ARHGAP26: variants seen among roughly 807,000 people sequenced by gnomAD.
ARHGAP26 encodes rho GTPase-activating protein 26.
Under a neutral mutation model 104.8 loss-of-function variants are expected in ARHGAP26, and 38 were observed. That is an observed-to-expected ratio of 0.36 (90% CI 0.28 to 0.48). The LOEUF is 0.48. Among genes scored for constraint, ARHGAP26 ranks in the 20% least tolerant of loss-of-function variants. ARHGAP26 has a pLI of 0.99. For missense variants in ARHGAP26, 704 were observed against 947.9 expected (o/e 0.74, Z 3.38); for synonymous variants, 341 against 340.0 (o/e 1.00, Z -0.03).
At chr5:143,090,583 C>G (rs1229175455) in intron 17 of ARHGAP26, among the ~76,000 whole-genome samples, 1 of 152,100 alleles carries the variant, frequency 6.6e-6, no homozygotes, top group Non-Finnish European at 1.5e-5. Flanking sequence ...GGGTCTGTCC[C>G]TGAAACCTCA....
In ARHGAP26 at chr5:143,027,350, T is replaced by TC. The variant is rs1399452574; in HGVS notation, c.1145-9846_1145-9845insC. ...CCATGCCTAGCTAATTTTTTTTTCT[T>TC]TTTTTTTTTTTTTAGTAGAGACAGG... On this transcript the variant is annotated intron_variant, in intron 12 of 22. Transcript: ENST00000645722. Among the ~76,000 whole-genome samples, 2 of 144,152 alleles carry TC rather than the reference T, an allele frequency of 1.4e-5. 1 individual carries two copies. The highest frequency in any genetic ancestry group is 4.0e-4 in the East Asian group (2 of 5,052). The allele number at this position is 144,152 out of a possible 152,430, so 94.6% of individuals were successfully genotyped here.
chr5:143,167,297 A>T (rs1376762841), intron 20 of ARHGAP26, among the ~76,000 whole-genome samples: 1 of 136,292 alleles, frequency 7.3e-6, no homozygotes, highest in Non-Finnish European at 1.6e-5. Flanking sequence ...TTGAAACCTC[A>T]TCTCTACTTT....
chr5:142,949,188 A>AGAGAGAGAGAGAGAG (rs1767730827), intron 11 of ARHGAP26, among the ~76,000 whole-genome samples: 2 of 34,752 alleles, frequency 5.8e-5, no homozygotes, highest in Non-Finnish European at 1.0e-4. Flanking sequence ...AGAGAGAGAG[A>AGAGAGAGAGAGAGAG]GAGAGAGAGA....
At chr5:143,142,191 T>A (rs1023237708) in intron 19 of ARHGAP26, among the ~76,000 whole-genome samples, 1 of 143,940 alleles carries the variant, frequency 6.9e-6, no homozygotes, top group Non-Finnish European at 1.5e-5. Context: ...GGCTGTGGAG[T>A]GCAGTGGCAC....
At chr5:142,853,417 C>G (rs926622428) in intron 1 of ARHGAP26, among the ~76,000 whole-genome samples, 3 of 152,110 alleles carry the variant, frequency 2.0e-5, no homozygotes, top group Non-Finnish European at 4.4e-5. Flanking sequence ...TCTCAAACTC[C>G]TGACCTCAAG....
chr5:143,197,282 A>T (rs183480038), intron 20 of ARHGAP26, among the ~76,000 whole-genome samples: 1 of 152,324 alleles, frequency 6.6e-6, no homozygotes, highest in African/African-American at 2.4e-5. Flanking sequence ...CCTTTGCTAG[A>T]TAATGCTACA....
intron 11 of ARHGAP26, among the ~76,000 whole-genome samples, chr5:142,963,172 GTATATATATATA>G (rs58576577): frequency 3.4e-5 from 3 of 89,080 alleles, no homozygotes; most frequent in Non-Finnish European, 6.4e-5. Context: ...TGGTATATAT[GTATATATATATA>G]TATATATATA....
At chr5:143,127,649 A>G (rs1033258280) in intron 18 of ARHGAP26, among the ~76,000 whole-genome samples, 1 of 152,202 alleles carries the variant, frequency 6.6e-6, no homozygotes, top group Non-Finnish European at 1.5e-5. Context: ...AGTGACTTAC[A>G]ATGTAGTTAG....
chr5:142,876,617 AT>A (rs796121233), intron 3 of ARHGAP26, among the ~76,000 whole-genome samples: 27 of 146,876 alleles, frequency 1.8e-4, no homozygotes, highest in South Asian at 2.2e-4. Context: ...ATCTCAACAA[AT>A]TTTTTTTTTT....
intron 19 of ARHGAP26, among the ~76,000 whole-genome samples, chr5:143,141,303 G>A (rs989852972): frequency 1.3e-5 from 2 of 152,222 alleles, no homozygotes; most frequent in African/African-American, 4.8e-5. Context: ...ATCACCAAGT[G>A]AACAAAGCAG....
chr5:143,155,475 A>G (rs913743007), intron 20 of ARHGAP26, among the ~76,000 whole-genome samples: 2 of 152,172 alleles, frequency 1.3e-5, no homozygotes, highest in Admixed American at 6.5e-5. Context: ...CCTTCATCCA[A>G]TTTTTATGAG....
chr5:142,913,365 CA>C (rs766157172), intron 10 of ARHGAP26, 72 bp downstream of exon 10: 49 of 1,407,978 alleles, frequency 3.5e-5, no homozygotes, highest in East Asian at 1.8e-4. Flanking sequence ...TCTTTCCAGT[CA>C]AACCTTTTCT....
chr5:142,942,926 C>T (rs1027340198), intron 11 of ARHGAP26, among the ~76,000 whole-genome samples: 1 of 152,154 alleles, frequency 6.6e-6, no homozygotes, highest in African/African-American at 2.4e-5. Context: ...ATTACAGGCA[C>T]GTGCCACCAC....
intron 12 of ARHGAP26, among the ~76,000 whole-genome samples, chr5:143,015,238 A>T (rs1779424213): frequency 6.6e-6 from 1 of 152,198 alleles, no homozygotes; most frequent in Non-Finnish European, 1.5e-5. Context: ...CCCCACCCTT[A>T]ATTAGGTAAG....
intron 10 of ARHGAP26, chr5:142,919,505 A>G (rs1598241543): frequency 1.3e-5 from 5 of 397,824 alleles, no homozygotes; most frequent in Non-Finnish European, 2.2e-5. Flanking sequence ...TTGAATAGGG[A>G]GGGCCTTTCT....
intron 12 of ARHGAP26, among the ~76,000 whole-genome samples, chr5:143,015,806 A>C (rs1291350813): frequency 6.6e-6 from 1 of 152,220 alleles, no homozygotes. Context: ...TTATGAACCT[A>C]CATCTCTCTA....
chr5:142,845,323 G>A lies in ARHGAP26; in HGVS notation c.155-28077G>A, dbSNP rs10062886. 2.9e-3 allele frequency among the ~76,000 whole-genome samples: 438 copies of A among 152,284 alleles called. 3 individuals carry two copies. Among genetic ancestry groups the A allele is most frequent in the African/African-American group, 0.01 (423 of 41,550 alleles). ...TCCTTAGAAGAATGCTTCCGGGTGG[G>A]TATTTGTTATCACCCTGCTTCACAG... On this transcript the variant is annotated intron_variant, in intron 1 of 22. Transcript: ENST00000645722.
At chr5:142,933,412 A>T (rs1764995706) in intron 11 of ARHGAP26, among the ~76,000 whole-genome samples, 1 of 152,206 alleles carries the variant, frequency 6.6e-6, no homozygotes, top group African/African-American at 2.4e-5. Flanking sequence ...AACTTGCCCC[A>T]AGTAGCACAG....
chr5:143,180,812 C>G (rs778261345), intron 20 of ARHGAP26, among the ~76,000 whole-genome samples: 1 of 152,156 alleles, frequency 6.6e-6, no homozygotes, highest in Non-Finnish European at 1.5e-5. Flanking sequence ...GAGGACGCAG[C>G]CAAACCATAT....
Sources: allele counts gnomAD v4.1 joint callset (sites outside exome capture counted in the v4.1 genomes callset), GRCh38; gene constraint gnomAD v4.1.1; transcripts MANE v1.5; gene names NCBI Gene and HGNC (gene_info 2026-07-23, HGNC 2026-07-21).